The following EVC variants were observed in gnomAD, a reference collection of about 807,000 sequenced individuals.
EVC encodes EvC ciliary complex subunit 1.
Under a neutral mutation model 118.9 loss-of-function variants are expected in EVC, and 116 were observed. The ratio of observed to expected loss-of-function variants is 0.98; its 90% CI spans 0.84 to 1.14. The LOEUF is 1.14. Ranked by LOEUF, EVC falls within the 50% of genes most tolerant of loss-of-function variation. The pLI is 0.00. For missense variants in EVC, 1,401 were observed against 1,246.4 expected, an observed-to-expected ratio of 1.12 and a Z score of -1.87; for synonymous variants, 619 against 534.7, an observed-to-expected ratio of 1.16 and a Z score of -2.18.
At chr4:5,769,531 T>C (rs1413734908) in intron 11 of EVC, among the ~76,000 whole-genome samples, 4 of 152,324 alleles carry the variant, frequency 2.6e-5, no homozygotes, top group Non-Finnish European at 4.4e-5. Context: ...GGATGGATGC[T>C]GTGCGATCGC....
intron 7 of EVC, among the ~76,000 whole-genome samples, chr4:5,747,087 G>A (rs919998497): frequency 1.3e-5 from 2 of 152,062 alleles, no homozygotes; most frequent in Non-Finnish European, 2.9e-5. Flanking sequence ...GATGAGAGGA[G>A]GAGCAGCATG....
Position 5,752,404 on chromosome 4 carries a change from C to T in EVC, c.1099-432C>T, listed in dbSNP as rs1372136232. On this transcript the variant is annotated intron_variant, in intron 8 of 20. Transcript: ENST00000264956. ...ATCTCGGCCGTCCTCAGCAGTCAGG[C>T]TCTCTGGGGCTCTAACAAAAGCCAG... is the stretch of plus-strand genomic sequence containing the variant. Among the ~76,000 whole-genome samples, 2 of 152,116 alleles carry T rather than the reference C, an allele frequency of 1.3e-5. 1 individual carries two copies. Among genetic ancestry groups the T allele is most frequent in the Non-Finnish European group, 2.9e-5 (2 of 68,008 alleles).
At chr4:5,760,423 G>A (rs1034361462) in intron 11 of EVC, among the ~76,000 whole-genome samples, 8 of 152,102 alleles carry the variant, frequency 5.3e-5, no homozygotes, top group Admixed American at 5.2e-4. Flanking sequence ...TGACAGGTGT[G>A]ACGAGGGGTG....
downstream of EVC, among the ~76,000 whole-genome samples, chr4:5,817,654 A>G (rs11944616): frequency 0.13 from 19,622 of 152,234 alleles, 2,162 homozygotes; most frequent in African/African-American, 0.3. Context: ...ATGAACCTTT[A>G]GGCAAATGAC....
At chr4:5,733,123 C>T (rs1294926524) in intron 4 of EVC, among the ~76,000 whole-genome samples, 1 of 152,140 alleles carries the variant, frequency 6.6e-6, no homozygotes, top group Admixed American at 6.5e-5. Flanking sequence ...TCCCAGGCAC[C>T]TATGTCTCTG....
chr4:5,757,358 C>T (rs140215956), intron 11 of EVC, among the ~76,000 whole-genome samples: 145 of 152,304 alleles, frequency 9.5e-4, no homozygotes, highest in African/African-American at 3.4e-3. Flanking sequence ...CAGCGGGCAT[C>T]CCCATCAGGG....
chr4:5,827,509 G>A, the EVC span, among the ~76,000 whole-genome samples: 2 of 152,216 alleles, frequency 1.3e-5, no homozygotes, highest in African/African-American at 4.8e-5. Context: ...GAAGGTCTCT[G>A]GACTTCTCCA....
intron 2 of EVC, among the ~76,000 whole-genome samples, chr4:5,721,091 A>G (rs1724885138): frequency 6.6e-6 from 1 of 151,656 alleles, no homozygotes; most frequent in Non-Finnish European, 1.5e-5. Flanking sequence ...GGTGCATGGC[A>G]TCTCCCTGTC....
At chr4:5,713,249 T>C (rs1340095297) in intron 1 of EVC, among the ~76,000 whole-genome samples, 2 of 152,336 alleles carry the variant, frequency 1.3e-5, no homozygotes, top group African/African-American at 2.4e-5. Context: ...TTTGATGTGA[T>C]CCTTGCGACA....
rs62297684 is a variant in EVC at position 5,804,985 on chromosome 4, G to T, written c.2561+144G>T. The T allele has an allele frequency of 0.1, 73,758 of 733,984 alleles. 4,191 individuals carry two copies. The highest frequency in any genetic ancestry group is 0.13 in the African/African-American group (7,645 of 58,020). The allele number at this position is 733,984 out of a possible 1,614,324, so 45.5% of individuals were successfully genotyped here. A position where few individuals can be genotyped will look rare whatever the true frequency, so the allele number is the denominator to read the frequency against. On this transcript the variant is annotated intron_variant, in intron 17 of 20. Coordinates refer to ENST00000264956, the MANE Select transcript of EVC (RefSeq NM_153717.3). ...TCGGCCTTCCTCACCCGCTGCCTCT[G>T]TCCTGGTCTCTGCCCTCCATGCAGC...
At chr4:5,769,944 G>A (rs945045861) in intron 11 of EVC, among the ~76,000 whole-genome samples, 1 of 152,064 alleles carries the variant, frequency 6.6e-6, no homozygotes, top group Non-Finnish European at 1.5e-5. Flanking sequence ...ATCCCCCTCA[G>A]GCTCTTTAAC....
At chr4:5,821,669 A>G in the EVC span, 23 of 1,264,696 alleles carry the variant, frequency 1.8e-5, no homozygotes, top group African/African-American at 2.9e-5. This position sits in a 1 kb window ranked among gnomAD's most constrained non-coding sequence, Gnocchi z 4.4. Context: ...ATCAGCACCA[A>G]CTAAAACTGT....
intron 2 of EVC, among the ~76,000 whole-genome samples, chr4:5,723,783 A>G (rs1218653188): frequency 6.6e-6 from 1 of 152,076 alleles, no homozygotes; most frequent in Non-Finnish European, 1.5e-5. Flanking sequence ...TGCTGTCACT[A>G]TCTTGAAATT....
At chr4:5,783,280 A>G (rs1735907983) in intron 11 of EVC, among the ~76,000 whole-genome samples, 1 of 151,928 alleles carries the variant, frequency 6.6e-6, no homozygotes, top group African/African-American at 2.4e-5. Context: ...GTCTGCATGC[A>G]TATGTGTATG....
At chr4:5,716,551 C>T (rs2151820051) in intron 1 of EVC, among the ~76,000 whole-genome samples, 1 of 152,254 alleles carries the variant, frequency 6.6e-6, no homozygotes. Context: ...AGGACCTCAG[C>T]CATGGATCCT....
At chr4:5,775,137 G>A (rs1398673208) in intron 11 of EVC, among the ~76,000 whole-genome samples, 2 of 152,152 alleles carry the variant, frequency 1.3e-5, no homozygotes, top group African/African-American at 4.8e-5. Context: ...GAATAGGAGA[G>A]TCCAAGAATG....
At chr4:5,823,028 C>CTGTCTTGGTGAATTTTTTTTAAGT in the EVC span, among the ~76,000 whole-genome samples, 4 of 152,224 alleles carry the variant, frequency 2.6e-5, no homozygotes, top group Non-Finnish European at 5.9e-5. Context: ...TTACCGACAA[C>CTGTCTTGGTGAATTTTTTTTAAGT]TGTCTTGGTG....
At chr4:5,722,384 A>G (rs1040740659) in intron 2 of EVC, among the ~76,000 whole-genome samples, 1 of 152,148 alleles carries the variant, frequency 6.6e-6, no homozygotes, top group African/African-American at 2.4e-5. Context: ...TAAGTGAAAG[A>G]TCTCCTTGTT....
chr4:5,732,839 A>G (rs79979056), intron 4 of EVC, among the ~76,000 whole-genome samples: 26,383 of 152,020 alleles, frequency 0.17, 3,139 homozygotes, highest in African/African-American at 0.34. Context: ...GTGAGACCCC[A>G]TCTCTAAAAT....
Sources: gnomAD v4.1 joint callset for allele counts (sites outside exome capture counted in the v4.1 genomes callset) on GRCh38, gnomAD v4.1.1 for gene constraint, Gnocchi (gnomAD v3.1) non-coding constraint, MANE v1.5 for transcripts, NCBI Gene and HGNC (gene_info 2026-07-23, HGNC 2026-07-21) for gene names.